The following CAMKMT variants were observed in gnomAD, a reference collection of about 807,000 sequenced individuals.
CAMKMT encodes the protein calmodulin-lysine N-methyltransferase.
A neutral mutation model predicts 48.0 loss-of-function variants in CAMKMT; 53 were observed. The ratio of observed to expected loss-of-function variants is 1.10; its 90% confidence interval spans 0.89 to 1.39. The LOEUF (loss-of-function observed/expected upper bound fraction) is 1.39. CAMKMT is among the 40% of genes most tolerant of loss of function. The pLI is 0.00. For synonymous variants in CAMKMT, 165 were observed against 152.3 expected, an observed-to-expected ratio of 1.08 and a Z score of -0.61; for missense variants, 428 against 402.7, an observed-to-expected ratio of 1.06 and a Z score of -0.54.
chr2:44,516,403 G>C (rs1670834434), intron 3 of CAMKMT, among the ~76,000 whole-genome samples: 1 of 152,114 alleles, frequency 6.6e-6, no homozygotes, highest in Non-Finnish European at 1.5e-5. Flanking sequence ...TGATTCAGGG[G>C]ACAGAGGACA....
chr2:44,768,362 T>TATA (rs1491157479), intron 10 of CAMKMT, among the ~76,000 whole-genome samples: 4,046 of 73,914 alleles, frequency 0.055, 83 homozygotes, highest in African/African-American at 0.094. Context: ...TATATATATA[T>TATA]TTTTTTTTTT....
intron 3 of CAMKMT, among the ~76,000 whole-genome samples, chr2:44,636,529 A>C (rs1347177409): frequency 6.6e-6 from 1 of 152,204 alleles, no homozygotes; most frequent in African/African-American, 2.4e-5. Flanking sequence ...TGGGACACAA[A>C]AAGGCTGAAA....
At chr2:44,391,578 A>G (rs1681345873) in intron 3 of CAMKMT, among the ~76,000 whole-genome samples, 2 of 152,164 alleles carry the variant, frequency 1.3e-5, no homozygotes, top group South Asian at 4.1e-4. Flanking sequence ...AGTCAGGCTT[A>G]AACATATGTA....
chr2:44,528,860 G>T (rs191580297), intron 3 of CAMKMT, among the ~76,000 whole-genome samples: 1 of 151,462 alleles, frequency 6.6e-6, no homozygotes, highest in Non-Finnish European at 1.5e-5. Flanking sequence ...TGATTCCAGG[G>T]TGTTTTTTTG....
intron 3 of CAMKMT, among the ~76,000 whole-genome samples, chr2:44,460,705 A>G (rs1667801527): frequency 1.4e-5 from 2 of 142,908 alleles, no homozygotes; most frequent in African/African-American, 5.1e-5. Context: ...AGTTTCAGTG[A>G]GTGATAGATT....
chr2:44,714,188 C>T (rs1014897164), intron 6 of CAMKMT, among the ~76,000 whole-genome samples: 4 of 152,046 alleles, frequency 2.6e-5, no homozygotes, highest in African/African-American at 9.7e-5. Flanking sequence ...TAGAGTTAGG[C>T]CACACATTTG....
chr2:44,569,974 A>G (rs4953107), intron 3 of CAMKMT, among the ~76,000 whole-genome samples: 82,461 of 151,950 alleles, frequency 0.54, 24,476 homozygotes, highest in Middle Eastern at 0.7. Context: ...TTATTCCTTT[A>G]TCGGATATTA....
chr2:44,699,554 T>C (rs1168250733), intron 3 of CAMKMT, among the ~76,000 whole-genome samples: 2 of 152,172 alleles, frequency 1.3e-5, no homozygotes, highest in Non-Finnish European at 2.9e-5. Flanking sequence ...TACTGTTCCA[T>C]TTATAGAGCA....
chr2:44,664,093 A>G (rs536948495), intron 3 of CAMKMT, among the ~76,000 whole-genome samples: 2 of 152,312 alleles, frequency 1.3e-5, no homozygotes, highest in African/African-American at 4.8e-5. Context: ...GTTAATCTCA[A>G]TTAAACAGTT....
intron 8 of CAMKMT, 38 bp downstream of exon 8, chr2:44,743,734 A>G (rs1368937415): frequency 6.5e-7 from 1 of 1,543,926 alleles, no homozygotes; most frequent in East Asian, 2.2e-5. Context: ...TGTTAGAAAA[A>G]AATAGCTTTG....
chr2:44,366,204 G>A (rs1203958039), intron 1 of CAMKMT, among the ~76,000 whole-genome samples: 1 of 152,102 alleles, frequency 6.6e-6, no homozygotes, highest in Non-Finnish European at 1.5e-5. Context: ...ATATTTAATT[G>A]ATGACAAATT....
At chr2:44,751,082 T>C (rs1204603622) in intron 8 of CAMKMT, among the ~76,000 whole-genome samples, 1 of 152,002 alleles carries the variant, frequency 6.6e-6, no homozygotes, top group Non-Finnish European at 1.5e-5. Context: ...GACAGCTGAA[T>C]GAGAGGACAA....
At chr2:44,678,575 G>A (rs1326368048) in intron 3 of CAMKMT, among the ~76,000 whole-genome samples, 1 of 152,172 alleles carries the variant, frequency 6.6e-6, no homozygotes, top group African/African-American at 2.4e-5. Flanking sequence ...AAGACCAATT[G>A]CTTGATATTC....
intron 3 of CAMKMT, among the ~76,000 whole-genome samples, chr2:44,625,107 C>A (rs139771292): frequency 6.6e-6 from 1 of 152,202 alleles, no homozygotes; most frequent in Admixed American, 6.5e-5. Context: ...CATTTTACAT[C>A]CCCCAGCAGT....
chr2:44,528,717 C>G (rs935716195), intron 3 of CAMKMT, among the ~76,000 whole-genome samples: 2 of 152,118 alleles, frequency 1.3e-5, no homozygotes, highest in Admixed American at 1.3e-4. Context: ...GCTTCTTCTC[C>G]CTTGCTTCTT....
chr2:44,571,312 G>C (rs1414597025), intron 3 of CAMKMT, among the ~76,000 whole-genome samples: 1 of 152,178 alleles, frequency 6.6e-6, no homozygotes, highest in African/African-American at 2.4e-5. Context: ...TGAGGTAAAA[G>C]AGAAGGGGTC....
chr2:44,634,730 G>T (rs1673022196), intron 3 of CAMKMT, among the ~76,000 whole-genome samples: 1 of 138,486 alleles, frequency 7.2e-6, no homozygotes, highest in South Asian at 2.4e-4. Flanking sequence ...GTAACTATAT[G>T]GTGTGGGGTA....
At chr2:44,579,903 C>G (rs200469861) in intron 3 of CAMKMT, among the ~76,000 whole-genome samples, 1 of 151,296 alleles carries the variant, frequency 6.6e-6, no homozygotes, top group Non-Finnish European at 1.5e-5. Context: ...ACTGCCATTT[C>G]TTTTGGAAAG....
At chr2:44,649,595 G>A (rs968602389) in intron 3 of CAMKMT, among the ~76,000 whole-genome samples, 3 of 152,132 alleles carry the variant, frequency 2.0e-5, no homozygotes, top group Non-Finnish European at 4.4e-5. Flanking sequence ...GTATGCAGAT[G>A]CTGCTTGATG....
Sources: gnomAD v4.1 joint callset for allele counts (sites outside exome capture counted in the v4.1 genomes callset) on GRCh38, gnomAD v4.1.1 for gene constraint, MANE v1.5 for transcripts, NCBI Gene and HGNC (gene_info 2026-07-23, HGNC 2026-07-21) for gene names.